The following ASIC2 variants were observed in gnomAD, a reference collection of about 807,000 sequenced individuals.
The protein encoded by ASIC2 is acid sensing ion channel subunit 2, also known as acid-sensing ion channel 2.
ASIC2 carries 25 observed loss-of-function variants against 57.3 expected under a neutral mutation model. That is an observed-to-expected ratio of 0.44 (90% confidence interval 0.32 to 0.61). The LOEUF is 0.61. ASIC2 is among the 20% of genes least tolerant of loss of function. The probability of loss-of-function intolerance (pLI) is 0.06; values close to 1 mark genes in which losing one functional copy is unlikely to be tolerated. For synonymous variants in ASIC2, 319 were observed against 307.5 expected (o/e 1.04, Z -0.39); for missense variants, 641 against 738.1 (o/e 0.87, Z 1.52).
intron 1 of ASIC2, among the ~76,000 whole-genome samples, chr17:34,128,496 G>A (rs1319081090): frequency 6.6e-6 from 1 of 152,096 alleles, no homozygotes; most frequent in Non-Finnish European, 1.5e-5. Flanking sequence ...AGAGGAGGAG[G>A]GGCCTGTTTA....
At chr17:33,558,144 G>C (rs1339811939) in intron 1 of ASIC2, among the ~76,000 whole-genome samples, 4 of 151,918 alleles carry the variant, frequency 2.6e-5, no homozygotes, top group Non-Finnish European at 5.9e-5. Context: ...CCCCGTGTGT[G>C]GAGACGAGAG....
At chr17:33,866,453 A>G (rs1216181151) in intron 1 of ASIC2, among the ~76,000 whole-genome samples, 1 of 152,052 alleles carries the variant, frequency 6.6e-6, no homozygotes, top group Non-Finnish European at 1.5e-5. Flanking sequence ...TTTTTGAAAA[A>G]ACAATGCTTC....
intron 1 of ASIC2, chr17:33,834,208 G>A (rs1235559868): frequency 1.3e-5 from 2 of 150,782 alleles, no homozygotes; most frequent in African/African-American, 4.8e-5. Flanking sequence ...CTGCTCAGAT[G>A]TCAATCATTA....
At chr17:33,093,688 C>T (rs1267440998) in intron 2 of ASIC2, among the ~76,000 whole-genome samples, 2 of 152,070 alleles carry the variant, frequency 1.3e-5, no homozygotes, top group Non-Finnish European at 2.9e-5. Flanking sequence ...GAGGGAAGTG[C>T]ATTTTCTGAA....
chr17:34,055,558 C>T (rs1484133118), intron 1 of ASIC2, among the ~76,000 whole-genome samples: 1 of 152,076 alleles, frequency 6.6e-6, no homozygotes, highest in Non-Finnish European at 1.5e-5. Flanking sequence ...CAATCCCTAC[C>T]AATTAACCCC....
intron 1 of ASIC2, among the ~76,000 whole-genome samples, chr17:33,120,252 A>G (rs4074507): frequency 0.8 from 121,467 of 152,196 alleles, 49,036 homozygotes; most frequent in African/African-American, 0.89. Flanking sequence ...ACTGGCAGAG[A>G]CCTTCTAGTC....
chr17:33,555,880 C>G (rs1915893065), intron 1 of ASIC2, among the ~76,000 whole-genome samples: 1 of 152,170 alleles, frequency 6.6e-6, no homozygotes, highest in Admixed American at 6.6e-5. Context: ...AATTGAACTT[C>G]TAGCACTCTC....
intron 1 of ASIC2, among the ~76,000 whole-genome samples, chr17:33,933,681 G>A (rs1399965267): frequency 6.6e-6 from 1 of 152,178 alleles, no homozygotes; most frequent in East Asian, 1.9e-4. Context: ...AAGAGAAAAA[G>A]GCCACTCTGA....
intron 1 of ASIC2, among the ~76,000 whole-genome samples, chr17:33,536,818 G>A (rs1387314486): frequency 6.6e-6 from 1 of 152,090 alleles, no homozygotes; most frequent in Non-Finnish European, 1.5e-5. Flanking sequence ...TCCAACCTGG[G>A]CAACATGGTA....
intron 1 of ASIC2, among the ~76,000 whole-genome samples, chr17:34,055,489 G>A (rs1354570453): frequency 2.6e-5 from 4 of 151,904 alleles, no homozygotes; most frequent in Non-Finnish European, 4.4e-5. Context: ...ATGAAACTCC[G>A]ATTGTTATCT....
chr17:33,991,456 C>G (rs532943094), intron 1 of ASIC2, among the ~76,000 whole-genome samples: 5 of 152,288 alleles, frequency 3.3e-5, no homozygotes, highest in Non-Finnish European at 4.4e-5. Context: ...CTGCCACCGG[C>G]TACATGTGCA....
chr17:33,718,318 T>G (rs1486300724), intron 1 of ASIC2, among the ~76,000 whole-genome samples: 1 of 152,174 alleles, frequency 6.6e-6, no homozygotes, highest in Non-Finnish European at 1.5e-5. Context: ...GATGAGCTAG[T>G]TGAACCCGTG....
intron 1 of ASIC2, among the ~76,000 whole-genome samples, chr17:34,124,314 T>C (rs1911709956): frequency 6.6e-6 from 1 of 152,148 alleles, no homozygotes; most frequent in Non-Finnish European, 1.5e-5. Flanking sequence ...GTTTAAAGGC[T>C]GCTTCACGCA....
At chr17:33,064,145 C>T (rs901484390) in intron 3 of ASIC2, among the ~76,000 whole-genome samples, 5 of 152,288 alleles carry the variant, frequency 3.3e-5, no homozygotes, top group Admixed American at 2.6e-4. Context: ...CGTCTGAAGC[C>T]TTCTTCTCTC....
intron 1 of ASIC2, among the ~76,000 whole-genome samples, chr17:33,447,496 C>T (rs59393233): frequency 6.6e-6 from 1 of 151,992 alleles, no homozygotes; most frequent in Non-Finnish European, 1.5e-5. Context: ...ATGAGAGGGG[C>T]TAGGCCTTCT....
At chr17:33,391,949 T>C (rs1222776552) in intron 1 of ASIC2, among the ~76,000 whole-genome samples, 1 of 152,210 alleles carries the variant, frequency 6.6e-6, no homozygotes, top group Non-Finnish European at 1.5e-5. Flanking sequence ...AACTGATCCA[T>C]GTTCTTTTGA....
intron 2 of ASIC2, among the ~76,000 whole-genome samples, chr17:33,110,113 A>G (rs2092250995): frequency 6.6e-6 from 1 of 151,998 alleles, no homozygotes; most frequent in Non-Finnish European, 1.5e-5. Context: ...CAGGCTAGGA[A>G]AGCTACCATT....
intron 1 of ASIC2, among the ~76,000 whole-genome samples, chr17:33,519,222 T>C (rs1914669030): frequency 6.6e-6 from 1 of 152,228 alleles, no homozygotes; most frequent in African/African-American, 2.4e-5. Flanking sequence ...GTAAGTGACT[T>C]GAACTCATGG....
In ASIC2 at chr17:34,087,780, T is replaced by G. The variant is rs1165390746; in HGVS notation, c.555+68198A>C. Reference sequence around the variant, plus strand: ...CTCTAAACTTCCCTTCTCACTTCATTTCATTCATTTCATCTTCCATCACTG... The same window carrying G: ...CTCTAAACTTCCCTTCTCACTTCATGTCATTCATTTCATCTTCCATCACTG... On this transcript the variant is annotated intron_variant, in intron 1 of 9. Transcript: ENST00000359872. Among the ~76,000 whole-genome samples the G allele has an allele frequency of 2.0e-5, 3 of 152,092 alleles. No individual in the cohort carries two copies. In the East Asian group the frequency reaches 5.8e-4, roughly 29 times the overall value.
Sources: allele counts gnomAD v4.1 joint callset (sites outside exome capture counted in the v4.1 genomes callset), GRCh38; gene constraint gnomAD v4.1.1; transcripts MANE v1.5; gene names NCBI Gene and HGNC (gene_info 2026-07-23, HGNC 2026-07-21).